The following CPEB4 variants were observed in gnomAD, a reference collection of about 807,000 sequenced individuals.
CPEB4 encodes the protein cytoplasmic polyadenylation element-binding protein 4.
CPEB4 carries 12 observed loss-of-function variants against 72.5 expected under a neutral mutation model. That is an observed-to-expected ratio of 0.17 (90% confidence interval 0.11 to 0.27). The LOEUF is 0.27. Among genes scored for constraint, CPEB4 ranks in the 10% least tolerant of loss-of-function variants. CPEB4 has a pLI of 1.00. For synonymous variants in CPEB4, 302 were observed against 326.3 expected, an observed-to-expected ratio of 0.93 and a Z score of 0.80; for missense variants, 614 against 908.5, an observed-to-expected ratio of 0.68 and a Z score of 4.17.
rs112178226 is a variant in CPEB4, at chr5:173,900,405, C to CA, written c.1125+9560dup. Among the ~76,000 whole-genome samples, 15,834 of 143,580 alleles carry CA rather than the reference C, an allele frequency of 0.11. 1,051 individuals carry two copies. The highest frequency in any genetic ancestry group is 0.22 in the Middle Eastern group (62 of 280). 94.2% of individuals were successfully genotyped at this position (143,580 alleles called of 152,430 possible). The stretch of plus-strand genomic sequence containing the variant: ...GGACAACAACAGCGGAACTCTGTCT[C>CA]AAAAAAAAAAAAAGTTGTACATTAG... On this transcript the variant is annotated intron_variant, in intron 1 of 9. Coordinates refer to ENST00000265085, the MANE Select transcript of CPEB4 (RefSeq NM_030627.4). This position sits in a 1 kb window ranked among gnomAD's most constrained non-coding sequence, Gnocchi z 4.4.
chr5:173,895,461 A>G (rs1021530567), intron 1 of CPEB4, among the ~76,000 whole-genome samples: 1 of 152,246 alleles, frequency 6.6e-6, no homozygotes, highest in African/African-American at 2.4e-5. Context: ...AACTTGTTTG[A>G]TAGGGAAACA....
At chr5:173,891,528 A>T (rs1404114937) in intron 1 of CPEB4, 2 of 152,232 alleles carry the variant, frequency 1.3e-5, no homozygotes, top group African/African-American at 4.8e-5. Flanking sequence ...TGTTCATCTC[A>T]GAGTGACTCT....
intron 3 of CPEB4, among the ~76,000 whole-genome samples, chr5:173,940,060 A>G (rs990521925): frequency 1.3e-5 from 2 of 152,100 alleles, no homozygotes; most frequent in Non-Finnish European, 2.9e-5. Context: ...GTGAGCTGAG[A>G]TCGTGCCACC....
chr5:173,897,471 A>G (rs1192907068), intron 1 of CPEB4, among the ~76,000 whole-genome samples: 1 of 152,186 alleles, frequency 6.6e-6, no homozygotes, highest in African/African-American at 2.4e-5. Context: ...TGGAGCACCT[A>G]CTATGTTATG....
At chr5:173,940,895 C>T (rs1417327050) in intron 3 of CPEB4, among the ~76,000 whole-genome samples, 2 of 152,016 alleles carry the variant, frequency 1.3e-5, no homozygotes, top group African/African-American at 2.4e-5. Context: ...CAGAATTTAA[C>T]CATGAATTAT....
intron 1 of CPEB4, among the ~76,000 whole-genome samples, chr5:173,904,160 C>T (rs1756339562): frequency 6.6e-6 from 1 of 152,180 alleles, no homozygotes; most frequent in Admixed American, 6.5e-5. Context: ...GGTCTGGGTT[C>T]ACATTCTGCC....
In CPEB4 at chr5:173,889,824, C is replaced by T; in HGVS notation, c.91C>T (p.Pro31Ser). 6.2e-7 allele frequency: 1 copy of T among 1,614,176 alleles called. No individual in the cohort carries two copies. Among genetic ancestry groups the T allele is most frequent in the Non-Finnish European group, 8.5e-7 (1 of 1,180,034 alleles). Reference sequence around the variant, plus strand: ...CAGATTCCATCCACATCTGCAGCCTCCACACCATCACCAAAATGCCACCCC... The same window carrying T: ...CAGATTCCATCCACATCTGCAGCCTTCACACCATCACCAAAATGCCACCCC... ...PVRFHPHLQP[P>S]HHHQNATPSP... The change falls in exon 1 of 10, where the codon CCA becomes TCA. Residue 31 changes from proline (P) to serine (S), a missense_variant. By Grantham distance (74) the Pro-to-Ser change is moderately conservative. Transcript: ENST00000265085.
At chr5:173,914,612 C>T (rs528125586) in intron 2 of CPEB4, among the ~76,000 whole-genome samples, 40 of 152,022 alleles carry the variant, frequency 2.6e-4, no homozygotes, top group African/African-American at 8.7e-4. Flanking sequence ...AAAAATTATC[C>T]GGGCGTGGTA....
chr5:173,952,032 C>T, intron 8 of CPEB4, 94 bp downstream of exon 8: 1 of 813,572 alleles, frequency 1.2e-6, no homozygotes, highest in Non-Finnish European at 2.1e-6. Flanking sequence ...GAGTTAATAT[C>T]CAAGAGTGAG....
intron 1 of CPEB4, among the ~76,000 whole-genome samples, chr5:173,892,010 A>G (rs1368594785): frequency 1.3e-5 from 2 of 152,074 alleles, no homozygotes; most frequent in African/African-American, 4.8e-5. Context: ...AAATATGTAT[A>G]CATACATGTG....
At chr5:173,897,533 G>A (rs1756062337) in intron 1 of CPEB4, among the ~76,000 whole-genome samples, 1 of 152,156 alleles carries the variant, frequency 6.6e-6, no homozygotes, top group Non-Finnish European at 1.5e-5. Flanking sequence ...GGTTTGTAAT[G>A]TATTTTTGAC....
chr5:173,909,341 G>C lies in CPEB4; in HGVS notation c.1126-1182G>C, dbSNP rs148903005. ...TTATTCTTTATTTACCAGAAGTAAT[G>C]ACTGGGTTGTTTGGGGACCTAATAA... On this transcript the variant is annotated intron_variant, in intron 1 of 9. Coordinates refer to ENST00000265085, the MANE Select transcript of CPEB4 (RefSeq NM_030627.4). Among the ~76,000 whole-genome samples, 970 of 152,200 alleles carry C rather than the reference G, an allele frequency of 6.4e-3. 12 individuals carry two copies. Among genetic ancestry groups the C allele is most frequent in the African/African-American group, 0.022 (932 of 41,506 alleles).
rs35059321 is a variant in CPEB4 at position 173,894,620 on chromosome 5, CAAAA to C, written c.1125+3778_1125+3781del. On this transcript the variant is annotated intron_variant, in intron 1 of 9. Transcript: ENST00000265085. ...TGGGGGACAGAGTGAGACTCCGACT[CAAAA>C]AAAAAAAAAAAAAAATCTAACATGC... 3.1e-4 allele frequency among the ~76,000 whole-genome samples: 28 copies of C among 90,246 alleles called. No individual in the cohort carries two copies. In the South Asian group the frequency reaches 7.4e-3, roughly 24 times the overall value. The allele number at this position is 90,246 out of a possible 152,430, so 59.2% of individuals were successfully genotyped here. A position where few individuals can be genotyped will look rare whatever the true frequency, so the allele number is the denominator to read the frequency against.
chr5:173,934,846 A>G (rs557126980), intron 3 of CPEB4, among the ~76,000 whole-genome samples: 9 of 152,206 alleles, frequency 5.9e-5, no homozygotes, highest in Admixed American at 5.9e-4. Flanking sequence ...AGATATGCAC[A>G]TTGTCCATTC....
At chr5:173,945,648 AC>A (rs1261603263) in intron 5 of CPEB4, among the ~76,000 whole-genome samples, 1 of 152,260 alleles carries the variant, frequency 6.6e-6, no homozygotes, top group East Asian at 1.9e-4. Context: ...CATAGAGTTT[AC>A]ATTTTATTGG....
chr5:173,935,224 A>T (rs1302052172), intron 3 of CPEB4, among the ~76,000 whole-genome samples: 2 of 152,196 alleles, frequency 1.3e-5, no homozygotes, highest in Admixed American at 6.5e-5. Context: ...AGAACAAAGG[A>T]TTAATATGAG....
At position 173,955,980 on chromosome 5, in the gene CPEB4, A is replaced by G. The variant is rs1237180672; in HGVS notation, c.2033A>G (p.Lys678Arg). The change falls in exon 10 of 10, where the codon AAA becomes AGA. Residue 678 changes from lysine to arginine, a missense_variant. Transcript: ENST00000265085. The surrounding 1 kb of genome is among the most constrained non-coding windows in gnomAD (Gnocchi z 4.7). ...TGTCAGGGGGCCCGTTGTGGGGGGA[A>G]ATTTGCTCCATTTTTCTGTGCTAAT... The part of the protein sequence containing the change: ...DECQGARCGG[K>R]FAPFFCANVT... 1.9e-6 allele frequency: 3 copies of G among 1,614,014 alleles called. No homozygotes were observed. Among genetic ancestry groups the G allele is most frequent in the African/African-American group, 1.3e-5 (1 of 74,996 alleles).
intron 2 of CPEB4, among the ~76,000 whole-genome samples, chr5:173,929,722 A>T (rs1006260187): frequency 6.6e-6 from 1 of 152,116 alleles, no homozygotes; most frequent in Non-Finnish European, 1.5e-5. Flanking sequence ...TAATAATAAT[A>T]GTCCTTCCTT....
intron 9 of CPEB4, among the ~76,000 whole-genome samples, chr5:173,953,593 C>G (rs926650339): frequency 2.6e-5 from 4 of 152,118 alleles, no homozygotes; most frequent in African/African-American, 9.7e-5. Context: ...ATCCTTTGTT[C>G]TGTGTTATAT....
Sources: gnomAD v4.1 joint callset for allele counts (sites outside exome capture counted in the v4.1 genomes callset) on GRCh38, gnomAD v4.1.1 for gene constraint, Gnocchi (gnomAD v3.1) non-coding constraint, MANE v1.5 for transcripts, NCBI Gene and HGNC (gene_info 2026-07-23, HGNC 2026-07-21) for gene names.